Variants in ZNF469 observed in about 807,000 individuals in gnomAD.
ZNF469 encodes zinc finger protein 469.
ZNF469 carries 1 observed loss-of-function variant against 1.0 expected under a neutral mutation model. That is an observed-to-expected ratio of 1.00 (90% confidence interval 0.35 to 4.73). The LOEUF (loss-of-function observed/expected upper bound fraction) is 4.73. Among genes scored for constraint, ZNF469 ranks in the 30% most tolerant of loss-of-function variants. The pLI is 0.16. For missense variants in ZNF469, 6,100 were observed against 5,356.3 expected, an observed-to-expected ratio of 1.14 and a Z score of -4.33; for synonymous variants, 2,703 against 2,363.4, an observed-to-expected ratio of 1.14 and a Z score of -4.17.
chr16:88,241,707 C>T, the ZNF469 span, among the ~76,000 whole-genome samples: 1 of 152,176 alleles, frequency 6.6e-6, no homozygotes, highest in African/African-American at 2.4e-5. The surrounding 1 kb of genome is among the most constrained non-coding windows in gnomAD (Gnocchi z 4.8). Context: ...CATGGCCTCT[C>T]CACCATGCAC....
At chr16:88,344,190 G>C in the ZNF469 span, among the ~76,000 whole-genome samples, 1 of 149,744 alleles carries the variant, frequency 6.7e-6, no homozygotes, top group South Asian at 2.2e-4. Context: ...CAGAGGAGCC[G>C]AAGGAGACAC....
the ZNF469 span, among the ~76,000 whole-genome samples, chr16:88,241,601 C>A: frequency 6.6e-6 from 1 of 152,268 alleles, no homozygotes; most frequent in South Asian, 2.1e-4. The surrounding 1 kb of genome is among the most constrained non-coding windows in gnomAD (Gnocchi z 4.8). Context: ...TCCTGGCAGG[C>A]GCTTGCAGAG....
At chr16:88,156,859 T>C in the ZNF469 span, among the ~76,000 whole-genome samples, 1 of 152,026 alleles carries the variant, frequency 6.6e-6, no homozygotes, top group Admixed American at 6.5e-5. Context: ...AACAACAGCC[T>C]GGCCCACGAA....
At chr16:88,331,156 C>T in the ZNF469 span, among the ~76,000 whole-genome samples, 1 of 148,794 alleles carries the variant, frequency 6.7e-6, no homozygotes, top group Non-Finnish European at 1.5e-5. Context: ...ATCACTATTA[C>T]CATCATCACC....
the ZNF469 span, among the ~76,000 whole-genome samples, chr16:88,291,324 C>A: frequency 6.6e-6 from 1 of 152,160 alleles, no homozygotes; most frequent in African/African-American, 2.4e-5. Context: ...ACTACACACA[C>A]TTGTTTGATG....
At chr16:88,425,990 G>A (rs1001404715) in intron 2 of ZNF469, among the ~76,000 whole-genome samples, 7 of 152,246 alleles carry the variant, frequency 4.6e-5, no homozygotes, top group African/African-American at 7.2e-5. Flanking sequence ...AGAGCCAGCC[G>A]GAAGTACAGG....
At chr16:88,168,434 G>A in the ZNF469 span, among the ~76,000 whole-genome samples, 3,736 of 152,306 alleles carry the variant, frequency 0.025, 149 homozygotes, top group African/African-American at 0.086. This position sits in a 1 kb window ranked among gnomAD's most constrained non-coding sequence, Gnocchi z 4.3. Flanking sequence ...TGTGGGCCTG[G>A]GCTGGCTCAT....
the ZNF469 span, among the ~76,000 whole-genome samples, chr16:88,336,993 A>G: frequency 6.6e-6 from 1 of 152,186 alleles, no homozygotes; most frequent in Admixed American, 6.5e-5. Flanking sequence ...CGTGTTTTCA[A>G]GGTTCCTCCA....
At chr16:88,333,199 C>A in the ZNF469 span, among the ~76,000 whole-genome samples, 4 of 152,144 alleles carry the variant, frequency 2.6e-5, no homozygotes, top group East Asian at 7.7e-4. Flanking sequence ...TTCCTGAGAG[C>A]CTCCACCCAC....
chr16:88,121,302 C>G, the ZNF469 span, among the ~76,000 whole-genome samples: 1 of 151,868 alleles, frequency 6.6e-6, no homozygotes, highest in Non-Finnish European at 1.5e-5. Flanking sequence ...CCAAACCCTC[C>G]GAGGAGTTCA....
the ZNF469 span, among the ~76,000 whole-genome samples, chr16:88,316,329 G>A: frequency 1.3e-5 from 2 of 152,136 alleles, no homozygotes; most frequent in East Asian, 3.9e-4. Flanking sequence ...AGGATGGGAT[G>A]GTGCACCACG....
rs1316948268 is a variant in ZNF469, at chr16:88,438,889, C to G, written c.11419C>G (p.Pro3807Ala). The change falls in exon 3 of 3, where the codon CCC becomes GCC. Residue 3807 changes from proline to alanine, a missense_variant. Coordinates refer to ENST00000565624, the MANE Select transcript of ZNF469 (RefSeq NM_001367624.2). The part of the protein sequence containing the change: ...GEQGPHGSLG[P>A]KEKGESSTKR... Reference sequence around the variant, plus strand: ...GCAGGGGCCCCACGGGAGCCTAGGTCCCAAGGAGAAGGGAGAGAGCAGTAC... The same window carrying G: ...GCAGGGGCCCCACGGGAGCCTAGGTGCCAAGGAGAAGGGAGAGAGCAGTAC... 1.3e-6 allele frequency: 2 copies of G among 1,550,510 alleles called. No individual in the cohort carries two copies.
At chr16:88,255,050 C>G in the ZNF469 span, among the ~76,000 whole-genome samples, 2 of 152,200 alleles carry the variant, frequency 1.3e-5, no homozygotes, top group African/African-American at 2.4e-5. Flanking sequence ...TAATATACAA[C>G]TATGTCATAC....
the ZNF469 span, among the ~76,000 whole-genome samples, chr16:88,234,620 C>T: frequency 2.6e-5 from 4 of 152,166 alleles, no homozygotes; most frequent in Non-Finnish European, 5.9e-5. Context: ...TGGACGCAGC[C>T]CGTGGGGAGC....
Position 88,429,366 on chromosome 16 carries a change from G to A in ZNF469, c.1896G>A (p.Ser632=), listed in dbSNP as rs554795578. ...ESQLPGPLGP[S]AFFHPPTHPQ... is the part of the protein sequence containing the mutation. ...AGCTCCCCGGCCCCCTCGGGCCCTC[G>A]GCCTTCTTCCACCCACCCACTCACC... is the stretch of plus-strand genomic sequence containing the variant. Residue 632 remains serine (S), a synonymous_variant, in exon 3 of 3, where the codon TCG becomes TCA. Coordinates refer to ENST00000565624, the MANE Select transcript of ZNF469 (RefSeq NM_001367624.2). 1,670 of 1,549,738 alleles carry A rather than the reference G, an allele frequency of 1.1e-3. 1 individual carries two copies. The highest frequency in any genetic ancestry group is 1.0e-3 in the Non-Finnish European group (1,174 of 1,146,754).
chr16:88,367,693 G>C, the ZNF469 span, among the ~76,000 whole-genome samples: 1 of 152,198 alleles, frequency 6.6e-6, no homozygotes, highest in Non-Finnish European at 1.5e-5. Context: ...TTATGCACCA[G>C]GCCCCGCATC....
At chr16:88,333,986 CTG>C in the ZNF469 span, among the ~76,000 whole-genome samples, 9 of 147,988 alleles carry the variant, frequency 6.1e-5, no homozygotes, top group African/African-American at 2.3e-4. Flanking sequence ...CTGTGTGTAT[CTG>C]TGTGTGTCTG....
At chr16:88,400,820 C>T (rs913340212) in intron 1 of ZNF469, among the ~76,000 whole-genome samples, 26 of 151,872 alleles carry the variant, frequency 1.7e-4, no homozygotes, top group Non-Finnish European at 1.8e-4. Flanking sequence ...ATCGTGTTCA[C>T]GGGGTCACCT....
the ZNF469 span, among the ~76,000 whole-genome samples, chr16:88,200,927 T>C: frequency 6.6e-6 from 1 of 152,236 alleles, no homozygotes; most frequent in East Asian, 1.9e-4. Flanking sequence ...CGGTGGGCTC[T>C]GGCCCTGGGG....
Sources: allele counts gnomAD v4.1 joint callset (sites outside exome capture counted in the v4.1 genomes callset), GRCh38; gene constraint gnomAD v4.1.1; non-coding constraint Gnocchi (gnomAD v3.1); transcripts MANE v1.5; gene names NCBI Gene and HGNC (gene_info 2026-07-23, HGNC 2026-07-21).